The following PIAS4 variants were observed in gnomAD, a reference collection of about 807,000 sequenced individuals.
PIAS4 encodes E3 SUMO-protein ligase PIAS4.
Under a neutral mutation model 58.0 loss-of-function variants are expected in PIAS4, and 7 were observed. The ratio of observed to expected loss-of-function variants is 0.12; its 90% CI spans 0.07 to 0.23. PIAS4 has a LOEUF of 0.23. PIAS4 is among the 10% of genes least tolerant of loss of function. PIAS4 has a pLI of 1.00. For missense variants in PIAS4, 550 were observed against 709.5 expected (o/e 0.78, Z 2.55); for synonymous variants, 364 against 312.4 (o/e 1.17, Z -1.74).
chr19:4,037,463 A>G lies in PIAS4; in HGVS notation c.1232A>G (p.Lys411Arg). ...DGSWCPIRAE[K>R]ERSCSPQGAI... ...TCGTGGTGCCCGATCCGCGCCGAAA[A>G]GGAGCGCAGCTGCAGCCCGCAGGGC... The change falls in exon 10 of 11, where the codon AAG becomes AGG. Residue 411 changes from lysine to arginine, a missense_variant. Lys to Arg is a conservative substitution (Grantham distance 26). This residue lies in a region of PIAS4 where 188 missense variants were observed against 192.0 expected (regional missense o/e 0.98). Coordinates refer to ENST00000262971, the MANE Select transcript of PIAS4 (RefSeq NM_015897.4). This position sits in a 1 kb window ranked among gnomAD's most constrained non-coding sequence, Gnocchi z 5.8. The G allele has an allele frequency of 6.2e-7, 1 of 1,611,584 alleles. No individual in the cohort carries two copies.
At chr19:4,014,949 G>C (rs952872900) in intron 2 of PIAS4, among the ~76,000 whole-genome samples, 3 of 152,222 alleles carry the variant, frequency 2.0e-5, no homozygotes, top group Non-Finnish European at 2.9e-5. Flanking sequence ...AGGTGCTGTC[G>C]GTGGTTCCTG....
rs370491114 is a variant in PIAS4 at position 4,020,917 on chromosome 19, C to T, written c.455-3119C>T. ...TGCCCAGCCTGCAAGTTTCTTTGAA[C>T]GCATGTTTCCATGTATTGAGGGAAA... On this transcript the variant is annotated intron_variant, in intron 2 of 10. Transcript: ENST00000262971. Among the ~76,000 whole-genome samples, 13 of 152,272 alleles carry T rather than the reference C, an allele frequency of 8.5e-5. No homozygotes were observed. The South Asian group carries it at 1.0e-3, about 12-fold the overall frequency.
At chr19:4,035,061 G>A (rs1310457488) in intron 9 of PIAS4, among the ~76,000 whole-genome samples, 1 of 152,114 alleles carries the variant, frequency 6.6e-6, no homozygotes, top group East Asian at 1.9e-4. Flanking sequence ...AGGGTGAAAA[G>A]CAGTTTTGCA....
At chr19:4,012,900 T>A in intron 1 of PIAS4, 23 bp from the exon 2 acceptor site, 1 of 1,594,776 alleles carries the variant, frequency 6.3e-7, no homozygotes, top group Non-Finnish European at 8.6e-7. Context: ...CCTCTGAGTG[T>A]GTGTGTGCTT....
Position 4,013,365 on chromosome 19 carries a change from G to A in PIAS4, c.454+16G>A, listed in dbSNP as rs758467029. ...ACCGAATTAGGTGAGTGGTCACCCT[G>A]GGGAGGCTGCGACTGGAGGCTTCAC... On this transcript the variant is annotated intron_variant, in intron 2 of 10. Transcript: ENST00000262971. This position sits in a 1 kb window ranked among gnomAD's most constrained non-coding sequence, Gnocchi z 5.1. 2.5e-6 allele frequency: 4 copies of A among 1,600,562 alleles called. No homozygotes were observed. The highest frequency in any genetic ancestry group is 3.4e-6 in the Non-Finnish European group (4 of 1,171,160).
At chr19:4,007,822 TG>T (rs922513959) in intron 1 of PIAS4, 35 bp downstream of exon 1, 151 of 1,203,602 alleles carry the variant, frequency 1.3e-4, no homozygotes, top group Non-Finnish European at 1.5e-4. Flanking sequence ...CCGGGGCAAG[TG>T]GGCGAGAGGG....
chr19:4,008,997 T>C (rs2039968833), intron 1 of PIAS4, among the ~76,000 whole-genome samples: 1 of 152,162 alleles, frequency 6.6e-6, no homozygotes, highest in Non-Finnish European at 1.5e-5. Flanking sequence ...GGAACCACTT[T>C]TAATCATCCT....
At position 4,038,432 on chromosome 19, in the gene PIAS4, T is replaced by TG. The variant is rs1447818424; in HGVS notation, c.*561dup. 1 of 6,204 alleles carries TG rather than the reference T, an allele frequency of 1.6e-4. No individual in the cohort carries two copies. Among genetic ancestry groups the TG allele is most frequent in the Non-Finnish European group, 2.9e-4 (1 of 3,394 alleles). 0.4% of individuals were successfully genotyped at this position (6,204 alleles called of 1,614,324 possible). A position where few individuals can be genotyped will look rare whatever the true frequency, so the allele number is the denominator to read the frequency against. ...TTAGCCGAGAAGCCATGGAGTGGGT[T>TG]GGGGCGGGGAGGGGCAGTAGGGTGG... On this transcript the variant is annotated 3_prime_UTR_variant, in exon 11 of 11. Coordinates refer to ENST00000262971, the MANE Select transcript of PIAS4 (RefSeq NM_015897.4). The surrounding 1 kb of genome is among the most constrained non-coding windows in gnomAD (Gnocchi z 4.1).
chr19:4,033,592 GC>G lies in PIAS4; in HGVS notation c.1142+16del. 6.3e-7 allele frequency: 1 copy of G among 1,591,118 alleles called. No homozygotes were observed. Among genetic ancestry groups the G allele is most frequent in the Non-Finnish European group, 8.6e-7 (1 of 1,169,520 alleles). ...CTCATCATCGACGGGTGAGCCCGGG[GC>G]CCCGGGGAGGGCGGCCGGAGCCGGA... On this transcript the variant is annotated intron_variant, in intron 9 of 10. Coordinates refer to ENST00000262971, the MANE Select transcript of PIAS4 (RefSeq NM_015897.4).
At chr19:4,012,088 C>T (rs1296414831) in intron 1 of PIAS4, among the ~76,000 whole-genome samples, 2 of 150,500 alleles carry the variant, frequency 1.3e-5, no homozygotes, top group Non-Finnish European at 3.0e-5. Flanking sequence ...GTTTGGTTGT[C>T]GTGAGCTGTG....
At chr19:4,020,693 C>G (rs910260695) in intron 2 of PIAS4, among the ~76,000 whole-genome samples, 2 of 152,210 alleles carry the variant, frequency 1.3e-5, no homozygotes, top group Non-Finnish European at 2.9e-5. Flanking sequence ...CTTCTGAGCC[C>G]AAGCAGTCCT....
rs1308554743 is a variant in PIAS4, at chr19:4,036,704, T to TCA, written c.1143-669_1143-668dup. On this transcript the variant is annotated intron_variant, in intron 9 of 10. Transcript: ENST00000262971. ...TCACACATCCATATAGTCCACACCA[T>TCA]CATACACACACACATCTCTACAGTC... Among the ~76,000 whole-genome samples, 155 of 133,936 alleles carry TCA rather than the reference T, an allele frequency of 1.2e-3. 20 individuals carry two copies. The highest frequency in any genetic ancestry group is 5.4e-3 in the African/African-American group (152 of 28,068). 87.9% of individuals were successfully genotyped at this position (133,936 alleles called of 152,430 possible).
intron 2 of PIAS4, among the ~76,000 whole-genome samples, chr19:4,022,837 AT>A (rs535618072): frequency 0.11 from 14,831 of 137,224 alleles, 764 homozygotes; most frequent in South Asian, 0.18. Context: ...AGGCCTGGCT[AT>A]TTTTTTTTTT....
At position 4,023,932 on chromosome 19, in the gene PIAS4, A is replaced by C. The variant is rs2040136398; in HGVS notation, c.455-104A>C. ...CACATATCTGTCCAGCCAACTTCCC[A>C]TTTCCTGTTTCCTGGTCTGAAGAGG... On this transcript the variant is annotated intron_variant, in intron 2 of 10. Coordinates refer to ENST00000262971, the MANE Select transcript of PIAS4 (RefSeq NM_015897.4). 3 of 808,772 alleles carry C rather than the reference A, an allele frequency of 3.7e-6. No individual in the cohort carries two copies. In the South Asian group the frequency reaches 4.2e-5, roughly 11 times the overall value. 50.1% of individuals were successfully genotyped at this position (808,772 alleles called of 1,614,324 possible).
intron 2 of PIAS4, among the ~76,000 whole-genome samples, chr19:4,021,044 A>T (rs2040104334): frequency 6.6e-6 from 1 of 152,198 alleles, no homozygotes; most frequent in African/African-American, 2.4e-5. Context: ...TTATAACCCC[A>T]CCAGCAGAGA....
At position 4,024,377 on chromosome 19, in the gene PIAS4, G is replaced by A. The variant is rs141138121; in HGVS notation, c.539+257G>A. Among the ~76,000 whole-genome samples the A allele has an allele frequency of 6.6e-4, 100 of 152,360 alleles. No individual in the cohort carries two copies. The East Asian group carries it at 0.017, about 26-fold the overall frequency. ...CGGACTGACTGTGCCCTTTTAACAC[G>A]GTCTTGCCCTCCTGGGCCCATCCTG... On this transcript the variant is annotated intron_variant, in intron 3 of 10. Coordinates refer to ENST00000262971, the MANE Select transcript of PIAS4 (RefSeq NM_015897.4).
At chr19:4,014,053 GGC>G (rs148998356) in intron 2 of PIAS4, among the ~76,000 whole-genome samples, 3,111 of 152,248 alleles carry the variant, frequency 0.02, 44 homozygotes, top group South Asian at 0.037. Context: ...GCTGGCCAGT[GGC>G]ATCCTTCCCC....
chr19:4,014,484 T>A (rs2040031722), intron 2 of PIAS4, among the ~76,000 whole-genome samples: 1 of 152,210 alleles, frequency 6.6e-6, no homozygotes, highest in Non-Finnish European at 1.5e-5. Flanking sequence ...GACCTGTGCC[T>A]TGAGGCGCTC....
chr19:4,026,501 C>T (rs1360061790), intron 3 of PIAS4, among the ~76,000 whole-genome samples: 18 of 151,858 alleles, frequency 1.2e-4, no homozygotes, highest in Admixed American at 1.2e-3. Context: ...AGGGTGTCAT[C>T]GAGTGGGTTC....
Sources: allele counts gnomAD v4.1 joint callset (sites outside exome capture counted in the v4.1 genomes callset), GRCh38; gene constraint gnomAD v4.1.1; regional missense constraint gnomAD v4.1.1; non-coding constraint Gnocchi (gnomAD v3.1); transcripts MANE v1.5; gene names NCBI Gene and HGNC (gene_info 2026-07-23, HGNC 2026-07-21).